Variants in TTC6 observed in about 807,000 individuals in gnomAD.
The protein encoded by TTC6 is tetratricopeptide repeat protein 6.
TTC6 carries 172 observed loss-of-function variants against 210.4 expected under a neutral mutation model. The observed-to-expected ratio is 0.82, with a 90% CI of 0.72 to 0.93. The LOEUF (loss-of-function observed/expected upper bound fraction) is 0.93. Among genes scored for constraint, TTC6 ranks in the 40% least tolerant of loss-of-function variants. TTC6 has a pLI of 0.00. For missense variants in TTC6, 2,414 were observed against 2,318.1 expected (o/e 1.04, Z -0.85); for synonymous variants, 804 against 819.6 (o/e 0.98, Z 0.32).
intron 1 of TTC6, among the ~76,000 whole-genome samples, chr14:37,655,312 G>T (rs2095720121): frequency 6.6e-6 from 1 of 151,946 alleles, no homozygotes; most frequent in Non-Finnish European, 1.5e-5. Context: ...TAAAATTCTA[G>T]GAAAAAAATG....
chr14:37,768,731 A>G (rs1169098032), intron 14 of TTC6, among the ~76,000 whole-genome samples: 1 of 152,108 alleles, frequency 6.6e-6, no homozygotes, highest in Non-Finnish European at 1.5e-5. Context: ...TAGATATACA[A>G]TCATGTCGTC....
intron 7 of TTC6, among the ~76,000 whole-genome samples, chr14:37,725,338 A>G (rs1400737176): frequency 9.9e-5 from 10 of 100,558 alleles, no homozygotes; most frequent in South Asian, 3.3e-4. Flanking sequence ...ATATATATAT[A>G]TATATATATA....
intron 1 of TTC6, among the ~76,000 whole-genome samples, chr14:37,623,666 G>T (rs2095655410): frequency 6.6e-6 from 1 of 152,092 alleles, no homozygotes; most frequent in Non-Finnish European, 1.5e-5. Flanking sequence ...CTTTAGTGAA[G>T]TTAAAAAAGA....
intron 2 of TTC6, among the ~76,000 whole-genome samples, chr14:37,681,556 A>G (rs1202220667): frequency 6.6e-6 from 1 of 152,138 alleles, no homozygotes; most frequent in East Asian, 1.9e-4. Flanking sequence ...CTGGCTTTTT[A>G]TAAGGAAGCT....
rs1476042139 is a variant in TTC6, at chr14:37,603,152, C to T, written c.-234-3511C>T. Among the ~76,000 whole-genome samples, 8 of 152,246 alleles carry T rather than the reference C, an allele frequency of 5.3e-5. No homozygotes were observed. In the East Asian group the frequency reaches 5.8e-4, roughly 11 times the overall value. On this transcript the variant is annotated intron_variant, in intron 1 of 2. Transcript: ENST00000556845. ...GCAGAAGCTGTGTGGAGATGCGGAC[C>T]TGGCGTTAGGATTGGGGTGGGGCAG...
At chr14:37,815,877 A>G (rs1261138826) in intron 25 of TTC6, among the ~76,000 whole-genome samples, 2 of 152,154 alleles carry the variant, frequency 1.3e-5, no homozygotes, top group South Asian at 2.1e-4. Flanking sequence ...ATTACCATGT[A>G]GTATAATAAT....
At chr14:37,797,693 G>T (rs964328040) in intron 20 of TTC6, among the ~76,000 whole-genome samples, 1 of 151,616 alleles carries the variant, frequency 6.6e-6, no homozygotes, top group African/African-American at 2.4e-5. Flanking sequence ...TGTCATCAGG[G>T]CGTCTTAAAA....
At chr14:37,680,105 A>G (rs536192982) in intron 1 of TTC6, 46 bp from the exon 4 acceptor site, 42 of 1,142,412 alleles carry the variant, frequency 3.7e-5, no homozygotes, top group East Asian at 3.6e-4. Context: ...ATGTGCTTCA[A>G]TGATTTTAAA....
intron 3 of TTC6, among the ~76,000 whole-genome samples, chr14:37,689,927 A>G (rs1259828220): frequency 6.6e-6 from 1 of 152,172 alleles, no homozygotes; most frequent in Non-Finnish European, 1.5e-5. Context: ...AGAATATTAT[A>G]CCACCATAAA....
chr14:37,640,536 G>A (rs1268191146), intron 1 of TTC6, among the ~76,000 whole-genome samples: 1 of 151,830 alleles, frequency 6.6e-6, no homozygotes. Flanking sequence ...GTAATGTAGA[G>A]GTTTTTTTTG....
intron 1 of TTC6, among the ~76,000 whole-genome samples, chr14:37,648,199 G>C (rs138507521): frequency 6.6e-6 from 1 of 152,098 alleles, no homozygotes; most frequent in African/African-American, 2.4e-5. Context: ...AGGAGTTCTT[G>C]TTTTATCCTT....
At chr14:37,738,999 A>G (rs1373020015) in exon 10 of TTC6, 1 of 1,535,528 alleles carries the variant, frequency 6.5e-7, no homozygotes, top group Non-Finnish European at 8.7e-7. Context: ...AGTTTGAGAA[A>G]TCTCTCTTTG....
chr14:37,819,772 T>G (rs2096151211), intron 26 of TTC6, among the ~76,000 whole-genome samples: 1 of 152,186 alleles, frequency 6.6e-6, no homozygotes, highest in Non-Finnish European at 1.5e-5. Flanking sequence ...GATTTGTGAT[T>G]TATTTGTACA....
chr14:37,737,587 C>A, intron 8 of TTC6, 73 bp from the exon 11 acceptor site: 1 of 796,888 alleles, frequency 1.3e-6, no homozygotes, highest in African/African-American at 1.8e-5. Flanking sequence ...AGTTATTAGC[C>A]AAGTATTATA....
chr14:37,760,588 C>G (rs563868569), intron 14 of TTC6, among the ~76,000 whole-genome samples: 1 of 152,188 alleles, frequency 6.6e-6, no homozygotes, highest in Admixed American at 6.5e-5. Flanking sequence ...CAGGCAGGAA[C>G]GTTTAAGTCC....
intron 14 of TTC6, among the ~76,000 whole-genome samples, chr14:37,761,076 T>G (rs1379436114): frequency 6.6e-6 from 1 of 152,178 alleles, no homozygotes; most frequent in Non-Finnish European, 1.5e-5. Context: ...AAAGAACTCC[T>G]GCAGCTAGCT....
At chr14:37,710,082 T>C (rs988062347) in intron 5 of TTC6, among the ~76,000 whole-genome samples, 1 of 152,188 alleles carries the variant, frequency 6.6e-6, no homozygotes, top group African/African-American at 2.4e-5. Flanking sequence ...AACTTTTGTA[T>C]GTGAGCACTC....
chr14:37,706,665 A>C (rs1428662509), intron 5 of TTC6, among the ~76,000 whole-genome samples: 1 of 152,162 alleles, frequency 6.6e-6, no homozygotes, highest in African/African-American at 2.4e-5. Context: ...AAATTCAGAA[A>C]CAACATGTGT....
At chr14:37,838,163 A>G (rs2096202223) in intron 29 of TTC6, among the ~76,000 whole-genome samples, 1 of 152,220 alleles carries the variant, frequency 6.6e-6, no homozygotes, top group Non-Finnish European at 1.5e-5. Flanking sequence ...CCAGGTTTTC[A>G]TCCATCAGGG....
Sources: gnomAD v4.1 joint callset for allele counts (sites outside exome capture counted in the v4.1 genomes callset) on GRCh38, gnomAD v4.1.1 for gene constraint, MANE v1.5 for transcripts, NCBI Gene and HGNC (gene_info 2026-07-23, HGNC 2026-07-21) for gene names.